Variants in EXOC5 observed in about 807,000 individuals in gnomAD.
EXOC5 encodes SEC10-like 1.
Under a neutral mutation model 90.8 loss-of-function variants are expected in EXOC5, and 17 were observed. That is an observed-to-expected ratio of 0.19 (90% CI 0.13 to 0.28). EXOC5 has a LOEUF of 0.28. Among genes scored for constraint, EXOC5 ranks in the 10% least tolerant of loss-of-function variants. The pLI is 1.00. For synonymous variants in EXOC5, 260 were observed against 270.0 expected (o/e 0.96, Z 0.36); for missense variants, 569 against 830.6 (o/e 0.69, Z 3.87).
chr14:57,208,601 A>G lies in EXOC5; in HGVS notation c.*8T>C. 6.3e-7 allele frequency: 1 copy of G among 1,587,594 alleles called. No individual in the cohort carries two copies. Among genetic ancestry groups the G allele is most frequent in the Non-Finnish European group, 8.6e-7 (1 of 1,160,312 alleles). ...GAACTGACACTGAATTCCTTTGTAA[A>G]TTCAATCTCAGCTGAAGTGTCGAGC... On this transcript the variant is annotated 3_prime_UTR_variant, in exon 18 of 18. Transcript: ENST00000621441.
At chr14:57,231,327 T>C (rs900264015) in intron 11 of EXOC5, among the ~76,000 whole-genome samples, 179 bp downstream of exon 11, 4 of 152,182 alleles carry the variant, frequency 2.6e-5, no homozygotes, top group Non-Finnish European at 5.9e-5. Flanking sequence ...AATCATGTTA[T>C]GTTAGGTCAT....
chr14:57,202,329 A>C lies in EXOC5; in HGVS notation c.*6280T>G, dbSNP rs1035280749. ...ATCCTTAAAAGGAATTAGGACAGCTAGTAAAATGATTGGTGTCTGAGGATT... is the reference window on the plus strand; with the variant it reads ...ATCCTTAAAAGGAATTAGGACAGCTCGTAAAATGATTGGTGTCTGAGGATT... On this transcript the variant is annotated 3_prime_UTR_variant, in exon 18 of 18. Coordinates refer to ENST00000621441, the MANE Select transcript of EXOC5 (RefSeq NM_006544.4). 1.3e-5 allele frequency: 2 copies of C among 152,230 alleles called. No homozygotes were observed. Among genetic ancestry groups the C allele is most frequent in the African/African-American group, 4.8e-5 (2 of 41,452 alleles). 9.4% of individuals were successfully genotyped at this position (152,230 alleles called of 1,614,324 possible). A position where few individuals can be genotyped will look rare whatever the true frequency, so the allele number is the denominator to read the frequency against.
intron 1 of EXOC5, among the ~76,000 whole-genome samples, chr14:57,260,276 TG>T (rs990988145): frequency 2.0e-5 from 3 of 152,252 alleles, no homozygotes; most frequent in African/African-American, 7.2e-5. Flanking sequence ...AAAGGTAGTA[TG>T]AAAAGGTAGA....
intron 12 of EXOC5, among the ~76,000 whole-genome samples, chr14:57,225,078 A>G (rs1259572897): frequency 6.6e-6 from 1 of 152,152 alleles, no homozygotes; most frequent in Admixed American, 6.5e-5. Flanking sequence ...AAAAAGGCCA[A>G]TATCCCTCAT....
intron 12 of EXOC5, among the ~76,000 whole-genome samples, chr14:57,225,916 C>A (rs1309482667): frequency 6.6e-6 from 1 of 152,134 alleles, no homozygotes; most frequent in African/African-American, 2.4e-5. Context: ...GACAAACAGT[C>A]GTATTCTTTT....
At chr14:57,243,630 AC>A (rs1395308566) in intron 4 of EXOC5, 1 of 152,504 alleles carries the variant, frequency 6.6e-6, no homozygotes, top group Non-Finnish European at 1.5e-5. Context: ...GGAGTAAGTG[AC>A]TAGTGCTATG....
chr14:57,208,928 T>C lies in EXOC5; in HGVS notation c.1939-131A>G, dbSNP rs77640512. ...GTGAAGTTCAACATATTAGAATTTTTTAAAGATCACAATGCATTAAAACTT... is the reference window on the plus strand; with the variant it reads ...GTGAAGTTCAACATATTAGAATTTTCTAAAGATCACAATGCATTAAAACTT... On this transcript the variant is annotated intron_variant, in intron 17 of 17. Transcript: ENST00000621441. 1,594 of 561,376 alleles carry C rather than the reference T, an allele frequency of 2.8e-3. 21 individuals are homozygous for C. The highest frequency in any genetic ancestry group is 0.026 in the African/African-American group (1,402 of 53,856). 34.8% of individuals were successfully genotyped at this position (561,376 alleles called of 1,614,324 possible). A position where few individuals can be genotyped will look rare whatever the true frequency, so the allele number is the denominator to read the frequency against.
chr14:57,242,288 A>G (rs1197569992), intron 4 of EXOC5, among the ~76,000 whole-genome samples: 1 of 151,880 alleles, frequency 6.6e-6, no homozygotes, highest in Non-Finnish European at 1.5e-5. Flanking sequence ...TCTGTCACCC[A>G]GGCTGGAGTG....
chr14:57,249,095 A>T lies in EXOC5; in HGVS notation c.28-1383T>A, dbSNP rs1041960891. On this transcript the variant is annotated intron_variant, in intron 1 of 17. Transcript: ENST00000621441. ...TAATGAAATGGTGATGACAGCTAAA[A>T]TTTTTTAAGTACTTACTATGTGCCA... Among the ~76,000 whole-genome samples the T allele has an allele frequency of 5.2e-4, 79 of 152,114 alleles. 1 individual carries two copies. Among genetic ancestry groups the T allele is most frequent in the Non-Finnish European group, 6.6e-4 (45 of 67,978 alleles).
intron 1 of EXOC5, 132 bp from the exon 2 acceptor site, chr14:57,247,844 A>T: frequency 2.2e-6 from 1 of 452,428 alleles, no homozygotes; most frequent in Non-Finnish European, 4.0e-6. Context: ...CATCTATATT[A>T]TTAAAATGTA....
intron 12 of EXOC5, among the ~76,000 whole-genome samples, chr14:57,229,466 A>G (rs1244030644): frequency 6.6e-6 from 1 of 152,200 alleles, no homozygotes; most frequent in Admixed American, 6.5e-5. Flanking sequence ...ATGTACTGTC[A>G]TCATCCCCTA....
At position 57,206,001 on chromosome 14, in the gene EXOC5, A is replaced by G. The variant is rs1168228694; in HGVS notation, c.*2608T>C. ...CTGGTTGACTGTCATTTTCAACATC[A>G]TAATTTACATAAGGTAGGCTTCCTT... On this transcript the variant is annotated 3_prime_UTR_variant, in exon 18 of 18. Coordinates refer to ENST00000621441, the MANE Select transcript of EXOC5 (RefSeq NM_006544.4). 2.2e-6 allele frequency: 1 copy of G among 455,318 alleles called. No homozygotes were observed. Among genetic ancestry groups the G allele is most frequent in the Admixed American group, 2.4e-5 (1 of 42,258 alleles). The allele number at this position is 455,318 out of a possible 1,614,324, so 28.2% of individuals were successfully genotyped here.
intron 1 of EXOC5, among the ~76,000 whole-genome samples, chr14:57,248,780 G>A (rs1245664466): frequency 6.6e-6 from 1 of 152,032 alleles, no homozygotes; most frequent in African/African-American, 2.4e-5. Flanking sequence ...ATAAAGTGCT[G>A]ACATGTTTGA....
chr14:57,256,693 C>T (rs921431019), intron 1 of EXOC5, among the ~76,000 whole-genome samples: 1 of 152,210 alleles, frequency 6.6e-6, no homozygotes, highest in Non-Finnish European at 1.5e-5. Flanking sequence ...CCTTCATGGG[C>T]AGATTTTCAG....
chr14:57,231,918 G>A lies in EXOC5; in HGVS notation c.939-203C>T, dbSNP rs571692983. 788 of 452,224 alleles carry A rather than the reference G, an allele frequency of 1.7e-3. 3 individuals carry two copies. Among genetic ancestry groups the A allele is most frequent in the Admixed American group, 3.3e-3 (82 of 25,084 alleles). 28.0% of individuals were successfully genotyped at this position (452,224 alleles called of 1,614,324 possible). A position where few individuals can be genotyped will look rare whatever the true frequency, so the allele number is the denominator to read the frequency against. On this transcript the variant is annotated intron_variant, in intron 10 of 17. Transcript: ENST00000621441. The stretch of plus-strand genomic sequence containing the variant: ...AGTGAAATATTACGAACAACTTTAC[G>A]GTTTTGAGAACTGTTATAAATTCCT...
At chr14:57,233,497 T>C (rs1276020383) in intron 9 of EXOC5, among the ~76,000 whole-genome samples, 2 of 152,042 alleles carry the variant, frequency 1.3e-5, no homozygotes, top group Admixed American at 6.6e-5. Flanking sequence ...CAATATATTA[T>C]ACTACTACTA....
At chr14:57,246,973 T>C in intron 2 of EXOC5, 115 bp from the exon 3 acceptor site, 1 of 589,392 alleles carries the variant, frequency 1.7e-6, no homozygotes, top group Non-Finnish European at 2.8e-6. Context: ...CTTGAAATGA[T>C]CATGTTAATT....
At chr14:57,262,479 T>A (rs548545890) in intron 1 of EXOC5, among the ~76,000 whole-genome samples, 29 of 151,764 alleles carry the variant, frequency 1.9e-4, no homozygotes, top group African/African-American at 6.3e-4. Flanking sequence ...CATATTTCCA[T>A]TTGCCTTGTG....
intron 9 of EXOC5, 41 bp from the exon 10 acceptor site, chr14:57,232,790 T>G: frequency 1.1e-6 from 1 of 937,976 alleles, no homozygotes; most frequent in South Asian, 1.5e-5. Context: ...TAGGTAAATA[T>G]TAAATTCTAC....
Sources: gnomAD v4.1 joint callset for allele counts (sites outside exome capture counted in the v4.1 genomes callset) on GRCh38, gnomAD v4.1.1 for gene constraint, MANE v1.5 for transcripts, NCBI Gene and HGNC (gene_info 2026-07-23, HGNC 2026-07-21) for gene names.